TEX15: variants seen among roughly 807,000 people sequenced by gnomAD.
The protein encoded by TEX15 is testis expressed 15, meiosis and synapsis associated.
Under a neutral mutation model 237.3 loss-of-function variants are expected in TEX15, and 171 were observed. The ratio of observed to expected loss-of-function variants is 0.72; its 90% CI spans 0.64 to 0.82. TEX15 has a LOEUF of 0.82. Ranked by LOEUF, TEX15 falls within the 40% of genes least tolerant of loss-of-function variation. The pLI is 0.00. For synonymous variants in TEX15, 1,338 were observed against 1,269.8 expected, an observed-to-expected ratio of 1.05 and a Z score of -1.14; for missense variants, 3,750 against 3,646.5, an observed-to-expected ratio of 1.03 and a Z score of -0.73.
chr8:30,866,688 G>A (rs1239829848), intron 5 of TEX15, among the ~76,000 whole-genome samples: 3 of 151,496 alleles, frequency 2.0e-5, no homozygotes, highest in African/African-American at 4.9e-5. Context: ...TTTACATGGT[G>A]GCTATTTTCT....
chr8:30,845,633 G>A lies in TEX15; in HGVS notation c.4534C>T (p.Gln1512Ter), dbSNP rs746610445. The change falls in exon 8 of 11, where the codon CAA becomes TAA. Residue 1512 changes from glutamine to a stop codon, truncating the protein, a stop_gained. Transcript: ENST00000643185. LOFTEE classifies it high-confidence loss of function. ...GGCAACTGTGATTCAGGATGTTCTT[G>A]ATTACAAAATTCTCCCATGTGACTG... ...TTSHMGEFCN[Q>*]EHPESQLPVS... is the part of the protein sequence containing the mutation. The A allele has an allele frequency of 3.7e-6, 6 of 1,613,564 alleles. No homozygotes were observed. In the Admixed American group the frequency reaches 8.3e-5, roughly 22 times the overall value.
Position 30,843,504 on chromosome 8 carries a change from T to G in TEX15, c.6663A>C (p.Val2221=), listed in dbSNP as rs766820200. 3 of 1,612,986 alleles carry G rather than the reference T, an allele frequency of 1.9e-6. No individual in the cohort carries two copies. In the South Asian group the frequency reaches 3.3e-5, roughly 18 times the overall value. The change falls in exon 8 of 11, where the codon GTA becomes GTC. Residue 2221 remains valine, a synonymous_variant. Coordinates refer to ENST00000643185, the MANE Select transcript of TEX15 (RefSeq NM_001350162.2). ...AATGAACTTTAGGAGAGTCCCCACA[T>G]ACATTGATCAACTTTAAAGTACTTT... is the stretch of plus-strand genomic sequence containing the variant. ...LRKSTLKLIN[V]CGDSPKVHSY...
chr8:30,910,610 CTTTTT>C (rs796129316), intron 1 of TEX15, among the ~76,000 whole-genome samples: 1 of 97,908 alleles, frequency 1.0e-5, no homozygotes, highest in Non-Finnish European at 1.9e-5. Context: ...CACGCCTGGC[CTTTTT>C]TTTTTTTTTT....
At chr8:30,889,952 TAC>T (rs1554502340) in intron 2 of TEX15, among the ~76,000 whole-genome samples, 63 of 131,834 alleles carry the variant, frequency 4.8e-4, no homozygotes, top group African/African-American at 2.0e-3. Context: ...TATATATATA[TAC>T]ATATATATAT....
rs1471061156 is a variant in TEX15 at position 30,848,981 on chromosome 8, G to C, written c.1186C>G (p.Leu396Val). The C allele has an allele frequency of 1.2e-6, 2 of 1,614,114 alleles. No homozygotes were observed. Among genetic ancestry groups the C allele is most frequent in the East Asian group, 4.5e-5 (2 of 44,860 alleles). Residue 396 changes from leucine (L) to valine (V), a missense_variant, in exon 8 of 11, where the codon CTT becomes GTT. Leu to Val is a conservative substitution (Grantham distance 32). Coordinates refer to ENST00000643185, the MANE Select transcript of TEX15 (RefSeq NM_001350162.2). ...TTAAGACTTGTCCAATTTAACAAAAGGTCACCATTAACACTGTCTTTGGCA... is the reference window on the plus strand; with the variant it reads ...TTAAGACTTGTCCAATTTAACAAAACGTCACCATTAACACTGTCTTTGGCA... ...SDAKDSVNGD[L>V]LLNWTSLKNI... is the part of the protein sequence containing the mutation.
chr8:30,858,904 T>A lies in TEX15; in HGVS notation c.688-74A>T. The A allele has an allele frequency of 2.9e-6, 3 of 1,034,558 alleles. No individual in the cohort carries two copies. In the South Asian group the frequency reaches 5.7e-5, roughly 20 times the overall value. The allele number at this position is 1,034,558 out of a possible 1,614,324, so 64.1% of individuals were successfully genotyped here. A position where few individuals can be genotyped will look rare whatever the true frequency, so the allele number is the denominator to read the frequency against. The stretch of plus-strand genomic sequence containing the variant: ...TGAATAAGCTCATATTTTTAAAAAA[T>A]CAATATAATTGCATATTATTTATAT... On this transcript the variant is annotated intron_variant, in intron 6 of 10. Coordinates refer to ENST00000643185, the MANE Select transcript of TEX15 (RefSeq NM_001350162.2).
rs770306443 is a variant in TEX15 at position 30,842,929 on chromosome 8, A to T, written c.7238T>A (p.Met2413Lys). Residue 2413 changes from methionine to lysine, a missense_variant, in exon 8 of 11, where the codon ATG (methionine) becomes AAG (lysine). Transcript: ENST00000643185. ...TTCTTCTGTGATAAAAATATTATCC[A>T]TGTTATTATCTTGTAGCATCTGAAA... ...KYFQMLQDNN[M>K]DNIFITEENV... 1.2e-6 allele frequency: 2 copies of T among 1,610,090 alleles called. No homozygotes were observed. The highest frequency in any genetic ancestry group is 3.4e-5 in the Admixed American group (2 of 59,638).
chr8:30,834,982 G>T (rs148789999), intron 10 of TEX15, among the ~76,000 whole-genome samples: 157 of 152,210 alleles, frequency 1.0e-3, no homozygotes, highest in African/African-American at 3.4e-3. Flanking sequence ...CTTTTTAAAA[G>T]AAATTCTCTG....
At position 30,845,782 on chromosome 8, in the gene TEX15, T is replaced by C. The variant is rs1274789569; in HGVS notation, c.4385A>G (p.Lys1462Arg). The change falls in exon 8 of 11, where the codon AAA becomes AGA. Residue 1462 changes from lysine (K) to arginine (R), a missense_variant. Transcript: ENST00000643185. ...YDKRRKKRAP[K>R]ADISKSLTHV... ...GGTTAATGATTTAGAAATATCAGCT[T>C]TTGGAGCTCTTTTCTTTCTCCGTTT... The C allele has an allele frequency of 6.2e-7, 1 of 1,611,568 alleles. No homozygotes were observed. Among genetic ancestry groups the C allele is most frequent in the Non-Finnish European group, 8.5e-7 (1 of 1,179,228 alleles).
chr8:30,834,196 A>G (rs2720598), intron 10 of TEX15, among the ~76,000 whole-genome samples: 99,830 of 152,054 alleles, frequency 0.66, 37,139 homozygotes, highest in East Asian at 0.9. Context: ...TTTTTGAGAC[A>G]GAGTTTAACC....
At chr8:30,908,298 G>T (rs901252394) in intron 1 of TEX15, among the ~76,000 whole-genome samples, 1 of 152,056 alleles carries the variant, frequency 6.6e-6, no homozygotes, top group Non-Finnish European at 1.5e-5. Context: ...GGACTCAAGC[G>T]ATCCTCCTGC....
At position 30,845,862 on chromosome 8, in the gene TEX15, C is replaced by G; in HGVS notation, c.4305G>C (p.Val1435=). ...ESCDLQGYSS[V]SQRKYYSTKH... Reference sequence around the variant, plus strand: ...TAGTAGAATAATATTTTCTTTGAGACACAGAACTATAACCTTGAAGGTCAC... The same window carrying G: ...TAGTAGAATAATATTTTCTTTGAGAGACAGAACTATAACCTTGAAGGTCAC... The change falls in exon 8 of 11, where the codon GTG becomes GTC. Residue 1435 remains valine (V), a synonymous_variant. Transcript: ENST00000643185. The G allele has an allele frequency of 6.2e-7, 1 of 1,611,866 alleles. No homozygotes were observed. Among genetic ancestry groups the G allele is most frequent in the South Asian group, 1.1e-5 (1 of 90,424 alleles).
At chr8:30,892,242 A>G (rs1411661508) in intron 2 of TEX15, among the ~76,000 whole-genome samples, 2 of 152,208 alleles carry the variant, frequency 1.3e-5, no homozygotes, top group African/African-American at 2.4e-5. Flanking sequence ...ATTTTTTAAA[A>G]CAACCTTTCT....
At chr8:30,868,865 C>CTT (rs78255315) in intron 4 of TEX15, among the ~76,000 whole-genome samples, 138 of 134,752 alleles carry the variant, frequency 1.0e-3, no homozygotes, top group Admixed American at 5.2e-3. Context: ...GGGCTAAATT[C>CTT]TTTTTTTTTT....
At chr8:30,875,922 C>T (rs1808392742) in intron 3 of TEX15, among the ~76,000 whole-genome samples, 3 of 151,970 alleles carry the variant, frequency 2.0e-5, no homozygotes, top group Admixed American at 2.0e-4. Flanking sequence ...AGCGATCCTC[C>T]TGCCTTGGCT....
At position 30,846,070 on chromosome 8, in the gene TEX15, T is replaced by A; in HGVS notation, c.4097A>T (p.Asp1366Val). ...HIKSVLNILS[D>V]EASLCKSKCL... is the part of the protein sequence containing the mutation. The stretch of plus-strand genomic sequence containing the variant: ...TTTGCTTTTACATAAAGATGCTTCA[T>A]CACTTAGGATATTTAGGACACTCTT... The change falls in exon 8 of 11, where the codon GAT (aspartate) becomes GTT (valine). Residue 1366 changes from aspartate to valine, a missense_variant. Transcript: ENST00000643185. 1 of 1,613,440 alleles carries A rather than the reference T, an allele frequency of 6.2e-7. No individual in the cohort carries two copies. The highest frequency in any genetic ancestry group is 8.5e-7 in the Non-Finnish European group (1 of 1,179,594).
intron 7 of TEX15, among the ~76,000 whole-genome samples, chr8:30,852,586 T>C (rs893788406): frequency 3.3e-5 from 5 of 152,202 alleles, no homozygotes; most frequent in Middle Eastern, 3.4e-3. Context: ...CAATTAAAAA[T>C]TGCAGAACAA....
intron 5 of TEX15, among the ~76,000 whole-genome samples, chr8:30,863,503 T>C (rs1808094640): frequency 6.6e-6 from 1 of 152,174 alleles, no homozygotes; most frequent in Non-Finnish European, 1.5e-5. Flanking sequence ...CACTGAGTGC[T>C]GCTTCTATTA....
In TEX15 at chr8:30,842,512, T is replaced by C. The variant is rs754803781; in HGVS notation, c.7655A>G (p.Lys2552Arg). Residue 2552 changes from lysine to arginine, a missense_variant, in exon 8 of 11, where the codon AAA becomes AGA. Lys to Arg is a conservative substitution (Grantham distance 26, BLOSUM62 2). Transcript: ENST00000643185. ...ATACTTGGACTTCTTCAGAAGCTTT[T>C]TTATTTCTGAAAGTTCTTGAAGTTC... is the stretch of plus-strand genomic sequence containing the variant. ...SRELQELSEIKKLLKKSKYFI... is the reference protein window; with the variant it reads ...SRELQELSEIRKLLKKSKYFI... 23 of 1,612,074 alleles carry C rather than the reference T, an allele frequency of 1.4e-5. No homozygotes were observed. The highest frequency in any genetic ancestry group is 1.9e-5 in the Non-Finnish European group (22 of 1,179,624).
Sources: allele counts gnomAD v4.1 joint callset (sites outside exome capture counted in the v4.1 genomes callset), GRCh38; gene constraint gnomAD v4.1.1; transcripts MANE v1.5; gene names NCBI Gene and HGNC (gene_info 2026-07-23, HGNC 2026-07-21).